Variants in PSD3 observed in about 807,000 individuals in gnomAD.
The protein encoded by PSD3 is PH and SEC7 domain-containing protein 3.
In PSD3, 49 loss-of-function variants were observed where a neutral mutation model predicts 105.5. The ratio of observed to expected loss-of-function variants is 0.46; its 90% confidence interval spans 0.37 to 0.59. The LOEUF is 0.59. Ranked by LOEUF, PSD3 falls within the 20% of genes least tolerant of loss-of-function variation. The pLI, the probability that PSD3 is intolerant of heterozygous loss-of-function variation, is 0.00. For synonymous variants in PSD3, 557 were observed against 457.8 expected (o/e 1.22, Z -2.77); for missense variants, 1,561 against 1,263.8 (o/e 1.24, Z -3.57).
chr8:18,705,920 T>C (rs148824148), intron 9 of PSD3, among the ~76,000 whole-genome samples: 5 of 152,192 alleles, frequency 3.3e-5, no homozygotes, highest in African/African-American at 1.2e-4. Flanking sequence ...TTCACAAATA[T>C]CTACTGCATA....
At chr8:18,671,733 G>A (rs936838075) in intron 9 of PSD3, among the ~76,000 whole-genome samples, 18 of 151,894 alleles carry the variant, frequency 1.2e-4, no homozygotes, top group East Asian at 3.9e-4. Flanking sequence ...CTGGGTTCAC[G>A]CCATTCTCCT....
intron 9 of PSD3, among the ~76,000 whole-genome samples, chr8:18,675,239 T>G (rs1339404945): frequency 6.6e-6 from 1 of 152,154 alleles, no homozygotes; most frequent in African/African-American, 2.4e-5. Flanking sequence ...CATGAGCCAC[T>G]GGGGCACCAG....
At chr8:18,803,327 A>T (rs1563288547) in intron 6 of PSD3, 1 of 152,556 alleles carries the variant, frequency 6.6e-6, no homozygotes, top group Non-Finnish European at 1.4e-5. Flanking sequence ...GGGCTATAGT[A>T]AGCAAATATA....
intron 1 of PSD3, among the ~76,000 whole-genome samples, chr8:19,019,355 A>G (rs1325625987): frequency 2.6e-5 from 4 of 152,158 alleles, no homozygotes; most frequent in Non-Finnish European, 5.9e-5. Flanking sequence ...TCTATGGCTC[A>G]CTCCTCTTTA....
intron 2 of PSD3, among the ~76,000 whole-genome samples, chr8:18,928,175 G>C (rs543979319): frequency 1.3e-5 from 2 of 152,304 alleles, no homozygotes; most frequent in Non-Finnish European, 2.9e-5. Context: ...GGCGGCGCCA[G>C]GTGGAGATAA....
At chr8:19,068,477 G>C (rs750680085) in intron 1 of PSD3, among the ~76,000 whole-genome samples, 2 of 152,030 alleles carry the variant, frequency 1.3e-5, no homozygotes, top group African/African-American at 2.4e-5. Flanking sequence ...TTTTTGTAGA[G>C]ACAAGGTTTC....
chr8:18,642,133 C>G (rs1807692947), intron 10 of PSD3, among the ~76,000 whole-genome samples: 1 of 152,124 alleles, frequency 6.6e-6, no homozygotes, highest in East Asian at 1.9e-4. Context: ...AATAAAGGAT[C>G]TGACCATATG....
At chr8:18,579,670 C>G (rs1802684668) in intron 12 of PSD3, among the ~76,000 whole-genome samples, 2 of 152,222 alleles carry the variant, frequency 1.3e-5, no homozygotes, top group South Asian at 4.2e-4. Flanking sequence ...TCTTAACACA[C>G]TAACATAAAC....
intron 1 of PSD3, among the ~76,000 whole-genome samples, chr8:19,036,250 C>A (rs902731138): frequency 4.6e-5 from 7 of 152,076 alleles, no homozygotes; most frequent in African/African-American, 1.7e-4. Flanking sequence ...CTCCCCAAAT[C>A]TTGTCAACTT....
At chr8:18,717,570 A>T (rs1802680751) in intron 9 of PSD3, among the ~76,000 whole-genome samples, 1 of 152,172 alleles carries the variant, frequency 6.6e-6, no homozygotes, top group African/African-American at 2.4e-5. Flanking sequence ...AAAGGGAATC[A>T]ATTTTAAACA....
intron 9 of PSD3, among the ~76,000 whole-genome samples, chr8:18,735,259 G>C (rs963821682): frequency 1.6e-4 from 25 of 152,132 alleles, no homozygotes; most frequent in African/African-American, 5.8e-4. Flanking sequence ...AGCATGTTGA[G>C]ATACGGAAAT....
chr8:18,766,421 A>C (rs1374615909), intron 8 of PSD3, among the ~76,000 whole-genome samples: 3 of 152,228 alleles, frequency 2.0e-5, no homozygotes, highest in East Asian at 1.9e-4. Flanking sequence ...TGCTTTTAAA[A>C]TTCTCATTAA....
intron 1 of PSD3, among the ~76,000 whole-genome samples, chr8:18,957,957 C>T (rs10092078): frequency 0.98 from 149,977 of 152,272 alleles, 73,898 homozygotes; most frequent in Middle Eastern, 1. Context: ...TAACCTTTTT[C>T]GAAGATAATT....
intron 4 of PSD3, among the ~76,000 whole-genome samples, chr8:18,837,950 T>C (rs1212553309): frequency 6.6e-6 from 1 of 152,174 alleles, no homozygotes. Context: ...AGATGGCTAG[T>C]AGGTAAGGGG....
chr8:18,838,816 AT>A (rs760093415), intron 4 of PSD3, among the ~76,000 whole-genome samples: 5,438 of 145,800 alleles, frequency 0.037, 124 homozygotes, highest in Admixed American at 0.067. Context: ...AATAATAATA[AT>A]AATAATAATA....
intron 10 of PSD3, among the ~76,000 whole-genome samples, chr8:18,635,046 G>C (rs1226563610): frequency 2.0e-5 from 3 of 152,038 alleles, no homozygotes. Flanking sequence ...TGGACACATG[G>C]ATATTTGTTT....
At chr8:18,622,350 C>T (rs890465505) in intron 11 of PSD3, among the ~76,000 whole-genome samples, 4 of 152,114 alleles carry the variant, frequency 2.6e-5, no homozygotes, top group Non-Finnish European at 4.4e-5. Context: ...ATTACTTCTC[C>T]GAGTCGTTAA....
At chr8:18,790,105 T>C (rs1401009840) in intron 8 of PSD3, among the ~76,000 whole-genome samples, 2 of 151,786 alleles carry the variant, frequency 1.3e-5, no homozygotes, top group Admixed American at 6.6e-5. Context: ...GAACAGAGGA[T>C]GGAAAAAAGG....
intron 9 of PSD3, among the ~76,000 whole-genome samples, chr8:18,759,339 G>A (rs967437516): frequency 6.6e-6 from 1 of 152,052 alleles, no homozygotes; most frequent in East Asian, 1.9e-4. Context: ...CAGTGACACT[G>A]TCTTCTAACT....
Sources: allele counts gnomAD v4.1 joint callset (sites outside exome capture counted in the v4.1 genomes callset), GRCh38; gene constraint gnomAD v4.1.1; transcripts MANE v1.5; gene names NCBI Gene and HGNC (gene_info 2026-07-23, HGNC 2026-07-21).